SNX13: variants seen among roughly 807,000 people sequenced by gnomAD.
The protein encoded by SNX13 is sorting nexin 13.
Under a neutral mutation model 133.6 loss-of-function variants are expected in SNX13, and 45 were observed. The ratio of observed to expected loss-of-function variants is 0.34; its 90% CI spans 0.27 to 0.43. The LOEUF (loss-of-function observed/expected upper bound fraction) is 0.43, where lower values mean the gene tolerates loss of function less well. Among genes scored for constraint, SNX13 ranks in the 20% least tolerant of loss-of-function variants. SNX13 has a pLI of 1.00. For synonymous variants in SNX13, 414 were observed against 373.9 expected, an observed-to-expected ratio of 1.11 and a Z score of -1.24; for missense variants, 1,032 against 1,145.1, an observed-to-expected ratio of 0.90 and a Z score of 1.43.
chr7:17,799,200 C>A (rs752857837), intron 22 of SNX13, 46 bp from the exon 23 acceptor site: 1 of 1,462,046 alleles, frequency 6.8e-7, no homozygotes. Flanking sequence ...TAGCTATCTA[C>A]TATGAATTGT....
intron 22 of SNX13, among the ~76,000 whole-genome samples, chr7:17,800,144 A>G (rs1784460675): frequency 2.0e-5 from 3 of 151,770 alleles, no homozygotes; most frequent in South Asian, 2.1e-4. Context: ...TTGGTGCCAT[A>G]TGAAAATCTA....
chr7:17,890,364 T>C lies in SNX13; in HGVS notation c.439A>G (p.Arg147Gly). The C allele has an allele frequency of 6.2e-7, 1 of 1,609,524 alleles. No individual in the cohort carries two copies. The highest frequency in any genetic ancestry group is 8.5e-7 in the Non-Finnish European group (1 of 1,177,978). ...ATAAATACAATGTCGTGTCCTTACC[T>C]AGTAGCAAACTGAATGAGTGCGTTT... ...LQNALIQFAT[R>G]SKEIDWQPYF... Residue 147 changes from arginine (R) to glycine (G), a missense_variant and splice_region_variant, in exon 5 of 26, where the codon AGG (arginine) becomes GGG (glycine). Coordinates refer to ENST00000428135, the MANE Select transcript of SNX13 (RefSeq NM_015132.5).
At chr7:17,880,502 C>T (rs1343959114) in intron 5 of SNX13, 1 of 152,176 alleles carries the variant, frequency 6.6e-6, no homozygotes, top group Non-Finnish European at 1.5e-5. Context: ...CTCTAAATCA[C>T]CAATATTCAG....
intron 15 of SNX13, chr7:17,831,878 C>T (rs965972176): frequency 3.1e-5 from 31 of 984,172 alleles, no homozygotes; most frequent in Non-Finnish European, 3.7e-5. Flanking sequence ...AACCAGTGGC[C>T]TAAAACCTAA....
chr7:17,887,437 A>G (rs1796129730), intron 5 of SNX13, among the ~76,000 whole-genome samples: 1 of 152,174 alleles, frequency 6.6e-6, no homozygotes, highest in South Asian at 2.1e-4. Context: ...GGAGAACTCA[A>G]GGGTGCTGGA....
At chr7:17,804,933 A>G (rs1785019052) in intron 20 of SNX13, among the ~76,000 whole-genome samples, 2 of 152,150 alleles carry the variant, frequency 1.3e-5, no homozygotes, top group South Asian at 4.1e-4. Context: ...GAAAAACTAG[A>G]AGAGGTAAAA....
At chr7:17,838,875 T>G (rs778067672) in intron 13 of SNX13, among the ~76,000 whole-genome samples, 2 of 151,624 alleles carry the variant, frequency 1.3e-5, no homozygotes, top group Non-Finnish European at 3.0e-5. Flanking sequence ...TTGGAGAATG[T>G]TTCATGTGTT....
rs747423629 is a variant in SNX13 at position 17,799,073 on chromosome 7, G to A, written c.2380C>T (p.Arg794Ter). ...FDLKERNQWLRRNIKNLLQQL... is the reference protein window; with the variant it reads ...FDLKERNQWL ...TGAAGTAGGTTTTTGATATTCCTTC[G>A]CAACCACTGATTTCTTTCTTTTAAG... The change falls in exon 23 of 26, where the codon CGA (arginine) becomes TGA (stop). Residue 794 changes from arginine to a stop codon, truncating the protein, a stop_gained. Coordinates refer to ENST00000428135, the MANE Select transcript of SNX13 (RefSeq NM_015132.5). LOFTEE classifies it high-confidence loss of function. 1.9e-6 allele frequency: 3 copies of A among 1,610,620 alleles called. No homozygotes were observed. The highest frequency in any genetic ancestry group is 8.5e-7 in the Non-Finnish European group (1 of 1,177,866).
At chr7:17,921,039 A>G (rs1562526864) in intron 1 of SNX13, among the ~76,000 whole-genome samples, 1 of 152,158 alleles carries the variant, frequency 6.6e-6, no homozygotes. Flanking sequence ...CCAGTGTTAG[A>G]AAAGACTCCA....
intron 20 of SNX13, among the ~76,000 whole-genome samples, chr7:17,808,863 A>C (rs35308754): frequency 6.6e-6 from 1 of 152,322 alleles, no homozygotes; most frequent in East Asian, 1.9e-4. Flanking sequence ...ACTAAGCTTC[A>C]TAAGTGAAGG....
intron 1 of SNX13, among the ~76,000 whole-genome samples, chr7:17,905,844 C>T (rs1798342856): frequency 6.6e-6 from 1 of 152,174 alleles, no homozygotes; most frequent in Admixed American, 6.5e-5. Flanking sequence ...CTCTCACTCT[C>T]TTCCAGACTG....
intron 17 of SNX13, among the ~76,000 whole-genome samples, chr7:17,824,477 T>C (rs995099015): frequency 1.3e-5 from 2 of 152,166 alleles, no homozygotes; most frequent in Non-Finnish European, 2.9e-5. Context: ...CCATGCATAA[T>C]TACCAATGTA....
intron 1 of SNX13, among the ~76,000 whole-genome samples, chr7:17,933,742 T>G (rs138635603): frequency 3.2e-4 from 47 of 146,090 alleles, no homozygotes; most frequent in Non-Finnish European, 5.9e-4. Context: ...AAGAAAATAG[T>G]GAGCAATAAA....
chr7:17,931,593 A>G (rs1348015220), intron 1 of SNX13, among the ~76,000 whole-genome samples: 4 of 152,222 alleles, frequency 2.6e-5, no homozygotes, highest in East Asian at 1.9e-4. Flanking sequence ...TATAATACCA[A>G]TTCAGGTTTA....
chr7:17,841,566 A>ACACACACACACACACACACACACG (rs1469031593), intron 12 of SNX13, among the ~76,000 whole-genome samples: 3 of 151,114 alleles, frequency 2.0e-5, no homozygotes, highest in African/African-American at 4.9e-5. Context: ...ACACACACAC[A>ACACACACACACACACACACACACG]CACACACACA....
intron 1 of SNX13, among the ~76,000 whole-genome samples, 193 bp downstream of exon 1, chr7:17,940,091 G>C (rs878957073): frequency 1.3e-5 from 2 of 152,044 alleles, no homozygotes; most frequent in Non-Finnish European, 2.9e-5. Flanking sequence ...CTGGCAGCCG[G>C]AGGTGGTGGG....
intron 5 of SNX13, among the ~76,000 whole-genome samples, chr7:17,885,141 G>A (rs758648627): frequency 2.6e-5 from 4 of 152,048 alleles, no homozygotes; most frequent in African/African-American, 4.8e-5. Context: ...TGTGTTCAAC[G>A]GAATATTATT....
intron 1 of SNX13, among the ~76,000 whole-genome samples, chr7:17,936,427 G>C (rs985496382): frequency 1.3e-5 from 2 of 152,082 alleles, no homozygotes; most frequent in African/African-American, 4.8e-5. Context: ...TTATTTAATA[G>C]TCACTTAATG....
At chr7:17,832,653 T>C (rs1041074105) in intron 15 of SNX13, 4 of 213,084 alleles carry the variant, frequency 1.9e-5, no homozygotes, top group Non-Finnish European at 3.2e-5. Flanking sequence ...TAGAACAAAC[T>C]AGAGGTACAT....
Sources: allele counts gnomAD v4.1 joint callset (sites outside exome capture counted in the v4.1 genomes callset), GRCh38; gene constraint gnomAD v4.1.1; transcripts MANE v1.5; gene names NCBI Gene and HGNC (gene_info 2026-07-23, HGNC 2026-07-21).